The following DDAH1 variants were observed in gnomAD, a reference collection of about 807,000 sequenced individuals.
DDAH1 encodes N(G),N(G)-dimethylarginine dimethylaminohydrolase 1.
A neutral mutation model predicts 28.8 loss-of-function variants in DDAH1; 19 were observed. That is an observed-to-expected ratio of 0.66 (90% CI 0.46 to 0.97). DDAH1 has a LOEUF of 0.97. Ranked by LOEUF, DDAH1 falls within the 50% of genes least tolerant of loss-of-function variation. The pLI, the probability that DDAH1 is intolerant of heterozygous loss-of-function variation, is 0.00. For missense variants in DDAH1, 326 were observed against 375.9 expected (o/e 0.87, Z 1.10); for synonymous variants, 153 against 154.4 (o/e 0.99, Z 0.07).
chr1:85,463,271 T>C (rs987153111), intron 1 of DDAH1, among the ~76,000 whole-genome samples: 2 of 152,182 alleles, frequency 1.3e-5, no homozygotes, highest in African/African-American at 2.4e-5. Flanking sequence ...GCTTTTATTA[T>C]AGGAATAAAA....
In DDAH1 at chr1:85,395,293, GA is replaced by G. The variant is rs112960537; in HGVS notation, c.304-36447del. ...AAGTTGAAAACAGACTAATTTTTTT[GA>G]ATGACAATTCTGTGTGGTCAGAAAG... On this transcript the variant is annotated intron_variant, in intron 1 of 5. Transcript: ENST00000284031. Among the ~76,000 whole-genome samples, 1,059 of 152,190 alleles carry G rather than the reference GA, an allele frequency of 7.0e-3. 11 individuals are homozygous for G. Among genetic ancestry groups the G allele is most frequent in the African/African-American group, 0.024 (1,009 of 41,532 alleles).
chr1:85,391,451 A>G (rs896550368), intron 1 of DDAH1, among the ~76,000 whole-genome samples: 10 of 152,210 alleles, frequency 6.6e-5, no homozygotes, highest in African/African-American at 1.9e-4. Flanking sequence ...TGGGCGACAG[A>G]GTGAGACCCC....
At chr1:85,543,543 G>T (rs528188465) in intron 1 of DDAH1, among the ~76,000 whole-genome samples, 1 of 152,092 alleles carries the variant, frequency 6.6e-6, no homozygotes, top group Non-Finnish European at 1.5e-5. Flanking sequence ...GGTAATTTCC[G>T]CAATGGTTTA....
At chr1:85,577,320 G>A (rs1659642386) in intron 1 of DDAH1, among the ~76,000 whole-genome samples, 2 of 152,260 alleles carry the variant, frequency 1.3e-5, no homozygotes, top group South Asian at 4.1e-4. Flanking sequence ...GTCAAGCCAA[G>A]GGGATGGGGG....
At chr1:85,498,651 G>C (rs1454616001) in intron 1 of DDAH1, among the ~76,000 whole-genome samples, 1 of 152,184 alleles carries the variant, frequency 6.6e-6, no homozygotes, top group Non-Finnish European at 1.5e-5. Context: ...CTGTGTGGTG[G>C]CTCATGCCTA....
intron 1 of DDAH1, among the ~76,000 whole-genome samples, chr1:85,548,426 G>A (rs1658690643): frequency 6.6e-6 from 1 of 152,064 alleles, no homozygotes; most frequent in South Asian, 2.1e-4. Flanking sequence ...CCAGCATTAG[G>A]TCACTTTTTA....
At chr1:85,522,717 A>C (rs1334818174) in intron 1 of DDAH1, among the ~76,000 whole-genome samples, 2 of 152,022 alleles carry the variant, frequency 1.3e-5, no homozygotes, top group Non-Finnish European at 1.5e-5. Context: ...TAACAGTGGG[A>C]TATTTTCTCT....
At chr1:85,477,591 A>G (rs1053924814) in intron 2 of DDAH1, among the ~76,000 whole-genome samples, 3 of 152,150 alleles carry the variant, frequency 2.0e-5, no homozygotes, top group African/African-American at 7.2e-5. Context: ...TTTAGAGATG[A>G]TATATGACTC....
At chr1:85,477,748 T>C (rs745898004) in intron 2 of DDAH1, among the ~76,000 whole-genome samples, 5 of 152,072 alleles carry the variant, frequency 3.3e-5, no homozygotes, top group Non-Finnish European at 5.9e-5. Flanking sequence ...TTTGTGTTCA[T>C]ACAGGTCACA....
intron 1 of DDAH1, among the ~76,000 whole-genome samples, chr1:85,435,950 C>A (rs1653918102): frequency 7.8e-6 from 1 of 128,774 alleles, no homozygotes; most frequent in African/African-American, 3.0e-5. Context: ...GCCACAATGC[C>A]CGGCTAATTT....
chr1:85,465,240 C>T (rs186942293), upstream of DDAH1: 7 of 1,097,866 alleles, frequency 6.4e-6, no homozygotes, highest in South Asian at 9.0e-5. Context: ...CCGGCCCGCG[C>T]GCATCCCGCG....
At chr1:85,362,797 C>A (rs1307188313) in intron 1 of DDAH1, among the ~76,000 whole-genome samples, 1 of 152,112 alleles carries the variant, frequency 6.6e-6, no homozygotes, top group Non-Finnish European at 1.5e-5. Context: ...TATTATTTTG[C>A]CCTAAATTAA....
chr1:85,500,097 C>A (rs1241375), intron 1 of DDAH1, among the ~76,000 whole-genome samples: 48,539 of 147,952 alleles, frequency 0.33, 9,166 homozygotes, highest in South Asian at 0.44. Flanking sequence ...TTCCTTCCCT[C>A]CTTCCTCTTT....
At chr1:85,360,737 T>C (rs1366541181) in intron 1 of DDAH1, among the ~76,000 whole-genome samples, 2 of 152,200 alleles carry the variant, frequency 1.3e-5, no homozygotes, top group East Asian at 1.9e-4. Context: ...TAGAGGAGAA[T>C]AGAAGTAGGG....
At chr1:85,325,354 T>TGC (rs10666315) in intron 4 of DDAH1, among the ~76,000 whole-genome samples, 20,095 of 151,176 alleles carry the variant, frequency 0.13, 1,570 homozygotes, top group South Asian at 0.27. Context: ...TGCACGTGCG[T>TGC]GCGCGCGCGC....
Position 85,461,833 on chromosome 1 carries a change from G to A in DDAH1, c.303+2910C>T, listed in dbSNP as rs74435768. Among the ~76,000 whole-genome samples the A allele has an allele frequency of 5.5e-3, 840 of 152,232 alleles. 9 individuals are homozygous for A. Among genetic ancestry groups the A allele is most frequent in the African/African-American group, 0.019 (772 of 41,534 alleles). ...ATATATATAAAAGGAAGTTTATAGCGTTTTAGGAGCTCATAAAAGGAGAAC... is the reference window on the plus strand; with the variant it reads ...ATATATATAAAAGGAAGTTTATAGCATTTTAGGAGCTCATAAAAGGAGAAC... On this transcript the variant is annotated intron_variant, in intron 1 of 5. Transcript: ENST00000284031.
intron 1 of DDAH1, among the ~76,000 whole-genome samples, chr1:85,386,644 G>A (rs1370866975): frequency 6.6e-6 from 1 of 152,134 alleles, no homozygotes; most frequent in African/African-American, 2.4e-5. Flanking sequence ...ATAATTCTGG[G>A]ATCTTGAGGA....
chr1:85,537,598 G>C (rs1557739442), intron 1 of DDAH1, among the ~76,000 whole-genome samples: 2 of 140,944 alleles, frequency 1.4e-5, no homozygotes, highest in Admixed American at 1.4e-4. Flanking sequence ...TTCTATTGCA[G>C]GGTAGGAATA....
intron 1 of DDAH1, chr1:85,380,480 C>T (rs1650928160): frequency 6.6e-6 from 1 of 152,188 alleles, no homozygotes; most frequent in African/African-American, 2.4e-5. Context: ...ACTGGCAGAG[C>T]TGAAATGGTC....
Sources: allele counts gnomAD v4.1 joint callset (sites outside exome capture counted in the v4.1 genomes callset), GRCh38; gene constraint gnomAD v4.1.1; transcripts MANE v1.5; gene names NCBI Gene and HGNC (gene_info 2026-07-23, HGNC 2026-07-21).